PAK3: variants seen among roughly 807,000 people sequenced by gnomAD.
The protein encoded by PAK3 is serine/threonine-protein kinase PAK 3.
A neutral mutation model predicts 41.0 loss-of-function variants in PAK3; 4 were observed. The ratio of observed to expected loss-of-function variants is 0.10; its 90% CI spans 0.05 to 0.22. The LOEUF (loss-of-function observed/expected upper bound fraction) is 0.22, where lower values mean the gene tolerates loss of function less well. Ranked by LOEUF, PAK3 falls within the 10% of genes least tolerant of loss-of-function variation. PAK3 has a pLI of 1.00. For synonymous variants in PAK3, 146 were observed against 139.6 expected, an observed-to-expected ratio of 1.05 and a Z score of -0.32; for missense variants, 205 against 409.9, an observed-to-expected ratio of 0.50 and a Z score of 4.32.
At chrX:111,060,943 C>T (rs969850175) in intron 1 of PAK3, among the ~76,000 whole-genome samples, 5 of 111,374 alleles carry the variant, frequency 4.5e-5, no homozygotes, top group African/African-American at 9.8e-5. Context: ...GGTGAGAGCT[C>T]ATGGTTAATT....
At chrX:111,122,255 GAAA>G (rs747134804) in intron 4 of PAK3, among the ~76,000 whole-genome samples, 94 of 23,259 alleles carry the variant, frequency 4.0e-3, no homozygotes, top group African/African-American at 0.013. Flanking sequence ...GACTCCATCT[GAAA>G]AAAAAAAAAA....
At chrX:111,055,436 A>G (rs184466455) in intron 1 of PAK3, among the ~76,000 whole-genome samples, 17 of 112,599 alleles carry the variant, frequency 1.5e-4, no homozygotes, top group Admixed American at 4.7e-4. Context: ...CACATGGAAC[A>G]TAGTGTGTTG....
intron 1 of PAK3, among the ~76,000 whole-genome samples, chrX:111,028,612 G>A (rs2092304478): frequency 9.0e-6 from 1 of 111,673 alleles, no homozygotes; most frequent in Non-Finnish European, 1.9e-5. Context: ...AAACCAATAT[G>A]GAAGTCAGCT....
intron 1 of PAK3, among the ~76,000 whole-genome samples, chrX:110,947,503 G>A (rs2090643603): frequency 9.0e-6 from 1 of 111,453 alleles, no homozygotes; most frequent in Non-Finnish European, 1.9e-5. Flanking sequence ...TCCATAGAAT[G>A]TTAGTAGGGC....
At chrX:110,972,355 C>T (rs2091227835) in intron 1 of PAK3, among the ~76,000 whole-genome samples, 1 of 111,483 alleles carries the variant, frequency 9.0e-6, no homozygotes, top group East Asian at 2.9e-4. Flanking sequence ...GAGAAGCTTC[C>T]AGAGGAAGGA....
chrX:111,062,402 T>C (rs1464597430), intron 1 of PAK3, among the ~76,000 whole-genome samples: 1 of 112,316 alleles, frequency 8.9e-6, no homozygotes, highest in Non-Finnish European at 1.9e-5. Context: ...ATACTGTGTG[T>C]GGTACGTACA....
chrX:111,093,298 G>A (rs908314173), upstream of PAK3, among the ~76,000 whole-genome samples: 5 of 111,851 alleles, frequency 4.5e-5, no homozygotes, highest in Admixed American at 4.7e-4. Context: ...AATTGCCATA[G>A]TAAACTGTTG....
intron 4 of PAK3, among the ~76,000 whole-genome samples, chrX:111,106,901 G>T (rs143624321): frequency 0.013 from 1,498 of 111,566 alleles, 18 homozygotes; most frequent in African/African-American, 0.037. Flanking sequence ...AAAAGAAAAG[G>T]CTCAAACCCA....
chrX:110,987,258 A>G (rs900967135), intron 1 of PAK3, among the ~76,000 whole-genome samples: 4 of 112,587 alleles, frequency 3.6e-5, no homozygotes, highest in Non-Finnish European at 7.5e-5. Context: ...TTGCATGGCA[A>G]AAATAGAAAT....
chrX:111,040,466 T>C (rs1460350189), intron 1 of PAK3, among the ~76,000 whole-genome samples: 3 of 111,839 alleles, frequency 2.7e-5, no homozygotes, highest in Non-Finnish European at 5.6e-5. Context: ...ATGCATACTA[T>C]ATTTCCTAAT....
At chrX:111,159,163 G>A (rs1026068783) in intron 8 of PAK3, among the ~76,000 whole-genome samples, 1 of 110,977 alleles carries the variant, frequency 9.0e-6, no homozygotes, top group Non-Finnish European at 1.9e-5. Context: ...GTATGGTTAG[G>A]TATAATTTCT....
chrX:111,146,590 T>C (rs1362499241), intron 6 of PAK3: 31 of 1,012,331 alleles, frequency 3.1e-5, no homozygotes, highest in Non-Finnish European at 4.2e-5. Flanking sequence ...CAAAAGAAGC[T>C]TGCATCAAAG....
chrX:111,048,727 C>T (rs942874148), intron 1 of PAK3, among the ~76,000 whole-genome samples: 1 of 112,421 alleles, frequency 8.9e-6, no homozygotes, highest in African/African-American at 3.2e-5. Context: ...TCTATCTCCA[C>T]TGCTCCCACC....
At chrX:111,064,939 C>G (rs1162154956) in intron 1 of PAK3, among the ~76,000 whole-genome samples, 1 of 112,371 alleles carries the variant, frequency 8.9e-6, no homozygotes, top group East Asian at 2.8e-4. Flanking sequence ...CCTTTAAAGA[C>G]TTTTGGTGGA....
chrX:111,093,945 G>A (rs2092948682), upstream of PAK3, among the ~76,000 whole-genome samples: 1 of 111,927 alleles, frequency 8.9e-6, no homozygotes, highest in Admixed American at 9.4e-5. Context: ...CTTAAAAAAG[G>A]TTCTTGTTTA....
intron 1 of PAK3, among the ~76,000 whole-genome samples, chrX:110,957,951 C>T (rs1398601549): frequency 4.5e-5 from 5 of 111,726 alleles, no homozygotes; most frequent in Non-Finnish European, 9.4e-5. Flanking sequence ...AACTCAGACA[C>T]ATATAATTGT....
At chrX:111,111,597 T>C (rs1362393160) in intron 4 of PAK3, among the ~76,000 whole-genome samples, 1 of 112,209 alleles carries the variant, frequency 8.9e-6, no homozygotes, top group East Asian at 2.8e-4. Context: ...TAATGGTTGC[T>C]AATACAAGGG....
intron 11 of PAK3, among the ~76,000 whole-genome samples, chrX:111,173,330 G>A (rs2094368259): frequency 9.0e-6 from 1 of 111,398 alleles, no homozygotes; most frequent in Middle Eastern, 4.2e-3. Context: ...TGGACATTTT[G>A]ATCCTATGTA....
At chrX:111,061,327 G>A (rs1173697186) in intron 1 of PAK3, among the ~76,000 whole-genome samples, 1 of 111,473 alleles carries the variant, frequency 9.0e-6, no homozygotes, top group Non-Finnish European at 1.9e-5. Flanking sequence ...ACATGAATCA[G>A]TACTTTTTAT....
Sources: allele counts gnomAD v4.1 joint callset (sites outside exome capture counted in the v4.1 genomes callset), GRCh38; gene constraint gnomAD v4.1.1; transcripts MANE v1.5; gene names NCBI Gene and HGNC (gene_info 2026-07-23, HGNC 2026-07-21).